ACY1: variants seen among roughly 807,000 people sequenced by gnomAD.
ACY1 encodes aminoacylase-1.
Under a neutral mutation model 53.3 loss-of-function variants are expected in ACY1, and 38 were observed. The ratio of observed to expected loss-of-function variants is 0.71; its 90% confidence interval spans 0.55 to 0.93. ACY1 has a LOEUF of 0.93. Ranked by LOEUF, ACY1 falls within the 40% of genes least tolerant of loss-of-function variation. The probability of loss-of-function intolerance (pLI) is 0.00; values close to 1 mark genes in which losing one functional copy is unlikely to be tolerated. For synonymous variants in ACY1, 177 were observed against 202.1 expected (o/e 0.88, Z 1.05); for missense variants, 484 against 540.9 (o/e 0.89, Z 1.04).
intron 12 of ACY1, chr3:51,988,155 T>C: frequency 2.7e-6 from 1 of 375,512 alleles, no homozygotes. Flanking sequence ...CATGAGCCAC[T>C]GCGCCCAGCC....
In ACY1 at chr3:51,989,106, G is replaced by A. The variant is rs776300269; in HGVS notation, c.*31G>A. 1 of 1,610,490 alleles carries A rather than the reference G, an allele frequency of 6.2e-7. No individual in the cohort carries two copies. The highest frequency in any genetic ancestry group is 8.5e-7 in the Non-Finnish European group (1 of 1,179,994). ...GGAACTCCTAAACCTTTGCCCCTGG[G>A]GCTTCCATCCCAACCAGTGCCAAGG... is the stretch of plus-strand genomic sequence containing the variant. On this transcript the variant is annotated 3_prime_UTR_variant, in exon 15 of 15. Transcript: ENST00000636358.
At chr3:51,986,920 C>A in intron 8 of ACY1, 68 bp from the exon 9 acceptor site, 1 of 1,538,272 alleles carries the variant, frequency 6.5e-7, no homozygotes, top group Non-Finnish European at 8.9e-7. Flanking sequence ...GACCTGGGCC[C>A]ACCCCAGGCT....
At chr3:51,985,989 G>A in intron 5 of ACY1, 43 bp downstream of exon 5, 5 of 1,565,724 alleles carry the variant, frequency 3.2e-6, no homozygotes, top group Non-Finnish European at 4.4e-6. Flanking sequence ...GTCCCCACTG[G>A]TCCAGTGGAT....
chr3:51,988,445 A>G (rs1701150374), intron 12 of ACY1, 79 bp from the exon 13 acceptor site: 2 of 1,326,650 alleles, frequency 1.5e-6, no homozygotes, highest in Non-Finnish European at 2.2e-6. Flanking sequence ...GTTATGTACT[A>G]GGCACAGCCC....
rs185045735 is a variant in ACY1, at chr3:51,984,203, C to T, written c.94+45C>T. 1,879 of 1,576,010 alleles carry T rather than the reference C, an allele frequency of 1.2e-3. 5 individuals are homozygous for T. Among genetic ancestry groups the T allele is most frequent in the African/African-American group, 0.01 (756 of 74,284 alleles). On this transcript the variant is annotated intron_variant, in intron 2 of 14. Coordinates refer to ENST00000636358, the MANE Select transcript of ACY1 (RefSeq NM_000666.3). ...AGAGCCTGTGACGGGGCCTAAGGGA[C>T]GGGGACTGTGCTCTAAACCAGCCTC...
Position 51,984,833 on chromosome 3 carries a change from A to T in ACY1, c.95-374A>T, listed in dbSNP as rs1701000416. ...CTGTCTCAAAAAAAAAAAAAAAAAA[A>T]GGAAAAGAAAAAAAAAAAACTTAGT... On this transcript the variant is annotated intron_variant, in intron 2 of 14. Transcript: ENST00000636358. 8 of 269,192 alleles carry T rather than the reference A, an allele frequency of 3.0e-5. 1 individual carries two copies. In the South Asian group the frequency reaches 3.2e-4, roughly 11 times the overall value. The allele number at this position is 269,192 out of a possible 1,614,324, so 16.7% of individuals were successfully genotyped here.
In ACY1 at chr3:51,987,628, T is replaced by C. The variant is rs891166942; in HGVS notation, c.921+4T>C. On this transcript the variant is annotated splice_donor_region_variant and intron_variant, in intron 12 of 14. Transcript: ENST00000636358. ...GGTCACCCTAGAGTTTGCTCAGGTATGGACTTGGGACATGTGATGGGAGAG... is the reference window on the plus strand; with the variant it reads ...GGTCACCCTAGAGTTTGCTCAGGTACGGACTTGGGACATGTGATGGGAGAG... 8 of 1,613,846 alleles carry C rather than the reference T, an allele frequency of 5.0e-6. No individual in the cohort carries two copies. The South Asian group carries it at 8.8e-5, about 18-fold the overall frequency.
rs891166942 is a variant in ACY1 at position 51,987,628 on chromosome 3, T to G, written c.921+4T>G. On this transcript the variant is annotated splice_donor_region_variant and intron_variant, in intron 12 of 14. Coordinates refer to ENST00000636358, the MANE Select transcript of ACY1 (RefSeq NM_000666.3). ...GGTCACCCTAGAGTTTGCTCAGGTA[T>G]GGACTTGGGACATGTGATGGGAGAG... The G allele has an allele frequency of 3.7e-6, 6 of 1,613,846 alleles. No homozygotes were observed. The highest frequency in any genetic ancestry group is 4.2e-6 in the Non-Finnish European group (5 of 1,179,894).
intron 13 of ACY1, 32 bp from the exon 14 acceptor site, chr3:51,988,734 C>A (rs749409512): frequency 1.9e-6 from 3 of 1,612,946 alleles, no homozygotes; most frequent in Non-Finnish European, 2.5e-6. Context: ...TCGCTTTCTC[C>A]CTCCCCATTC....
At position 51,988,559 on chromosome 3, in the gene ACY1, C is replaced by T; in HGVS notation, c.957C>T (p.Asp319=). Residue 319 remains aspartate (D), a synonymous_variant, in exon 13 of 15, where the codon GAC becomes GAT. Transcript: ENST00000636358. ...ACCCCCAAGTGACACCTACTGATGA[C>T]TCAAACCCTTGGTGGGCAGCTTTTA... ...WMHPQVTPTD[D]SNPWWAAFSR... 1 of 1,614,186 alleles carries T rather than the reference C, an allele frequency of 6.2e-7. No individual in the cohort carries two copies. The highest frequency in any genetic ancestry group is 8.5e-7 in the Non-Finnish European group (1 of 1,180,030).
chr3:51,984,292 C>T, intron 2 of ACY1, 134 bp downstream of exon 2: 1 of 790,880 alleles, frequency 1.3e-6, no homozygotes, highest in South Asian at 1.4e-5. Flanking sequence ...CCCCTCCAGC[C>T]ATTCCCCAAG....
At chr3:51,986,966 C>T in intron 8 of ACY1, 22 bp from the exon 9 acceptor site, 1 of 1,610,862 alleles carries the variant, frequency 6.2e-7, no homozygotes, top group Non-Finnish European at 8.5e-7. Context: ...GAAGACACTG[C>T]CTTCCCCCTA....
chr3:51,989,162 T>C lies in ACY1; in HGVS notation c.*87T>C. 1 of 1,564,546 alleles carries C rather than the reference T, an allele frequency of 6.4e-7. No individual in the cohort carries two copies. On this transcript the variant is annotated 3_prime_UTR_variant, in exon 15 of 15. Transcript: ENST00000636358. ...CTCTTCCCCCTTCCAAATAATAAAG[T>C]CTATGGACAGGGCTGTCTCTGAAGT...
At chr3:51,987,908 G>A (rs980911661) in intron 12 of ACY1, 14 of 399,010 alleles carry the variant, frequency 3.5e-5, no homozygotes, top group African/African-American at 1.8e-4. Flanking sequence ...ATCTCACTCC[G>A]TCACCCAGGC....
chr3:51,988,448 C>T (rs1378256614), intron 12 of ACY1, 76 bp from the exon 13 acceptor site: 1 of 1,378,280 alleles, frequency 7.3e-7, no homozygotes, highest in Admixed American at 1.7e-5. Context: ...ATGTACTAGG[C>T]ACAGCCCACT....
rs1465074862 is a variant in ACY1, at chr3:51,987,537, C to T, written c.853-19C>T. The T allele has an allele frequency of 1.2e-6, 2 of 1,613,958 alleles. No individual in the cohort carries two copies. The highest frequency in any genetic ancestry group is 1.7e-6 in the Non-Finnish European group (2 of 1,179,950). On this transcript the variant is annotated intron_variant, in intron 11 of 14. Transcript: ENST00000636358. ...GCCTCTGGAAAGCCTGAAGGATCAG[C>T]TCGTCTCCCTTCTCTTAGGCTTTTG...
At position 51,987,310 on chromosome 3, in the gene ACY1, C is replaced by T; in HGVS notation, c.709C>T (p.Leu237=). 2.5e-6 allele frequency: 4 copies of T among 1,614,122 alleles called. No individual in the cohort carries two copies. Among genetic ancestry groups the T allele is most frequent in the Non-Finnish European group, 3.4e-6 (4 of 1,180,032 alleles). The change falls in exon 11 of 15, where the codon CTG becomes TTG. Residue 237 remains leucine, a splice_region_variant and synonymous_variant. Coordinates refer to ENST00000636358, the MANE Select transcript of ACY1 (RefSeq NM_000666.3). ...LAFREKEWQR[L]QSNPHLKEGS... ...CGCTACCCTGCCCCCACACCACAGG[C>T]TGCAGTCAAACCCCCACCTGAAAGA...
At chr3:51,988,864 G>A (rs994884602) in intron 14 of ACY1, 38 bp downstream of exon 14, 22 of 1,614,104 alleles carry the variant, frequency 1.4e-5, no homozygotes, top group Admixed American at 3.3e-5. Context: ...CAGTGGACTG[G>A]GCCTGAGTGC....
rs201362814 is a variant in ACY1, at chr3:51,985,219, C to T, written c.107C>T (p.Ala36Val). 1 of 1,604,488 alleles carries T rather than the reference C, an allele frequency of 6.2e-7. No individual in the cohort carries two copies. Among genetic ancestry groups the T allele is most frequent in the South Asian group, 1.1e-5 (1 of 89,572 alleles). The change falls in exon 3 of 15, where the codon GCT becomes GTT. Residue 36 changes from alanine to valine, a missense_variant. Coordinates refer to ENST00000636358, the MANE Select transcript of ACY1 (RefSeq NM_000666.3). ...TCTGTGCCTCCAGGAGCTGCTGTGG[C>T]TTTCTTTGAGGAGACAGCCCGCCAG... Reference protein sequence around the residue: ...QPKPDYGAAVAFFEETARQLG... With the variant: ...QPKPDYGAAVVFFEETARQLG...
Sources: allele counts gnomAD v4.1 joint callset, GRCh38; gene constraint gnomAD v4.1.1; transcripts MANE v1.5; gene names NCBI Gene and HGNC (gene_info 2026-07-23, HGNC 2026-07-21).